The following KIAA1549L variants were observed in gnomAD, a reference collection of about 807,000 sequenced individuals.
The protein encoded by KIAA1549L is UPF0606 protein KIAA1549L.
KIAA1549L carries 88 observed loss-of-function variants against 160.7 expected under a neutral mutation model. The ratio of observed to expected loss-of-function variants is 0.55; its 90% confidence interval spans 0.46 to 0.65. KIAA1549L has a LOEUF of 0.65. Among genes scored for constraint, KIAA1549L ranks in the 30% least tolerant of loss-of-function variants. KIAA1549L has a pLI of 0.00. For missense variants in KIAA1549L, 2,258 were observed against 2,437.5 expected (o/e 0.93, Z 1.55); for synonymous variants, 950 against 976.7 (o/e 0.97, Z 0.51).
At chr11:33,564,186 A>G (rs980839332) in intron 8 of KIAA1549L, among the ~76,000 whole-genome samples, 1 of 152,228 alleles carries the variant, frequency 6.6e-6, no homozygotes, top group Non-Finnish European at 1.5e-5. Flanking sequence ...ACCTGTGACC[A>G]CCTTCTGAAC....
intron 1 of KIAA1549L, among the ~76,000 whole-genome samples, chr11:33,458,652 G>A (rs2132991687): frequency 6.6e-6 from 1 of 152,316 alleles, no homozygotes; most frequent in East Asian, 1.9e-4. Context: ...GCAGCTTGAT[G>A]GTTCTCTCTG....
rs1381342850 is a variant in KIAA1549L, at chr11:33,670,881, C to T, written c.*2727C>T. ...GTACCACGAAGTGGAGTGACTGGCC[C>T]AGTGATTCAGTCCCAACCTCCTGGT... On this transcript the variant is annotated 3_prime_UTR_variant, in exon 21 of 21. Transcript: ENST00000658780. The T allele has an allele frequency of 6.6e-6, 1 of 152,262 alleles. No homozygotes were observed. The highest frequency in any genetic ancestry group is 1.9e-4 in the East Asian group (1 of 5,200). The allele number at this position is 152,262 out of a possible 1,614,324, so 9.4% of individuals were successfully genotyped here.
chr11:33,672,587 T>G lies in KIAA1549L; in HGVS notation c.*4433T>G, dbSNP rs1852699789. 6.5e-6 allele frequency: 1 copy of G among 153,858 alleles called. No homozygotes were observed. The highest frequency in any genetic ancestry group is 2.1e-4 in the South Asian group (1 of 4,834). 9.5% of individuals were successfully genotyped at this position (153,858 alleles called of 1,614,324 possible). ...ACTACACACTGGAACTGACTAGTAC[T>G]CCTGGGATGCCATGCCACGCAGCAG... On this transcript the variant is annotated 3_prime_UTR_variant, in exon 21 of 21. Coordinates refer to ENST00000658780, the MANE Select transcript of KIAA1549L (RefSeq NM_012194.3).
intron 1 of KIAA1549L, among the ~76,000 whole-genome samples, chr11:33,424,190 C>T (rs1162036810): frequency 1.3e-5 from 2 of 152,138 alleles, no homozygotes; most frequent in South Asian, 2.1e-4. Context: ...GTCATGGCAA[C>T]GTTTTTTTGT....
At chr11:33,493,598 C>T (rs2133071948) in intron 1 of KIAA1549L, among the ~76,000 whole-genome samples, 1 of 152,240 alleles carries the variant, frequency 6.6e-6, no homozygotes. Context: ...AAAGGACGTG[C>T]ATTTGTGTAT....
At position 33,651,675 on chromosome 11, in the gene KIAA1549L, A is replaced by C. The variant is rs1851890936; in HGVS notation, c.5761-4337A>C. On this transcript the variant is annotated intron_variant, in intron 17 of 20. Coordinates refer to ENST00000658780, the MANE Select transcript of KIAA1549L (RefSeq NM_012194.3). Reference sequence around the variant, plus strand: ...CACCCTGGAGGTTTATCTTCACCAGATCCCTCCTCCTGGGTAAATGCACAT... The same window carrying C: ...CACCCTGGAGGTTTATCTTCACCAGCTCCCTCCTCCTGGGTAAATGCACAT... Among the ~76,000 whole-genome samples the C allele has an allele frequency of 3.3e-5, 5 of 152,000 alleles. No homozygotes were observed. The South Asian group carries it at 1.0e-3, about 32-fold the overall frequency.
chr11:33,399,126 T>A (rs1850446973), intron 1 of KIAA1549L, among the ~76,000 whole-genome samples: 1 of 152,104 alleles, frequency 6.6e-6, no homozygotes, highest in Non-Finnish European at 1.5e-5. Context: ...CTAATTTTTG[T>A]ATTTTTAGTA....
intron 16 of KIAA1549L, among the ~76,000 whole-genome samples, chr11:33,636,865 A>C (rs1851451523): frequency 6.6e-6 from 1 of 152,142 alleles, no homozygotes; most frequent in Admixed American, 6.5e-5. Context: ...AATTTATTAC[A>C]CTAGGGAAAA....
chr11:33,442,317 A>C (rs1050304018), intron 1 of KIAA1549L, among the ~76,000 whole-genome samples: 11 of 152,132 alleles, frequency 7.2e-5, no homozygotes, highest in African/African-American at 2.4e-4. Context: ...TGTTTTGGTT[A>C]CTGTAGCCTT....
chr11:33,535,020 C>T (rs775972275), intron 1 of KIAA1549L, among the ~76,000 whole-genome samples: 2 of 152,218 alleles, frequency 1.3e-5, no homozygotes, highest in Non-Finnish European at 2.9e-5. Flanking sequence ...CTTATCTGCA[C>T]AGGGTCTCAC....
In KIAA1549L at chr11:33,543,869, C is replaced by A. The variant is rs776597874; in HGVS notation, c.2306C>A (p.Ala769Glu). Residue 769 changes from alanine to glutamate, a missense_variant, in exon 2 of 21, where the codon GCA becomes GAA. Ala to Glu is a moderately radical substitution (Grantham distance 107). Around this residue, in one of 6 missense-constraint regions of KIAA1549L, gnomAD observed 287 missense variants for 292.3 expected, o/e 0.98. Transcript: ENST00000658780. The stretch of plus-strand genomic sequence containing the variant: ...GATACTGCTGGGCATTCAGTGACTG[C>A]AGAAGGGTTTAGTATTCAGGATCTA... The part of the protein sequence containing the change: ...FKDTAGHSVT[A>E]EGFSIQDLVL... 3 of 1,614,016 alleles carry A rather than the reference C, an allele frequency of 1.9e-6. No individual in the cohort carries two copies. The Admixed American group carries it at 5.0e-5, about 27-fold the overall frequency.
intron 15 of KIAA1549L, among the ~76,000 whole-genome samples, chr11:33,611,877 T>TA (rs1850657275): frequency 6.6e-6 from 1 of 152,204 alleles, no homozygotes; most frequent in Non-Finnish European, 1.5e-5. Flanking sequence ...TAAGGCTTTT[T>TA]ATGAAAAGAG....
intron 1 of KIAA1549L, among the ~76,000 whole-genome samples, chr11:33,523,939 G>GTTT (rs1221995377): frequency 6.6e-6 from 1 of 151,758 alleles, no homozygotes; most frequent in Non-Finnish European, 1.5e-5. Flanking sequence ...TTTGATCATT[G>GTTT]TTTTATTTAT....
chr11:33,529,725 C>T (rs1853695087), intron 1 of KIAA1549L, among the ~76,000 whole-genome samples: 1 of 151,996 alleles, frequency 6.6e-6, no homozygotes, highest in South Asian at 2.1e-4. Context: ...GGGGTGATTT[C>T]CAGAGGAAGC....
chr11:33,536,385 C>T (rs1409448383), intron 1 of KIAA1549L, among the ~76,000 whole-genome samples: 1 of 152,152 alleles, frequency 6.6e-6, no homozygotes, highest in Non-Finnish European at 1.5e-5. Flanking sequence ...ATTCATGTGT[C>T]TGTTGTCTGG....
At chr11:33,608,282 A>G (rs1850559933) in intron 14 of KIAA1549L, among the ~76,000 whole-genome samples, 2 of 152,390 alleles carry the variant, frequency 1.3e-5, no homozygotes, top group Non-Finnish European at 1.5e-5. Flanking sequence ...TGCCTGGCAC[A>G]CAATAAGCAC....
At chr11:33,443,553 T>C (rs541748512) in intron 1 of KIAA1549L, among the ~76,000 whole-genome samples, 39 of 152,138 alleles carry the variant, frequency 2.6e-4, no homozygotes, top group Non-Finnish European at 5.1e-4. Context: ...ATGGGGCTTT[T>C]GGTTAGAGAT....
intron 1 of KIAA1549L, among the ~76,000 whole-genome samples, chr11:33,500,132 T>A (rs1274647784): frequency 6.6e-6 from 1 of 152,222 alleles, no homozygotes; most frequent in African/African-American, 2.4e-5. Flanking sequence ...ACAATAAAAA[T>A]TTTGAGATTT....
chr11:33,664,342 C>T (rs1027535338), intron 20 of KIAA1549L, among the ~76,000 whole-genome samples: 9 of 13,218 alleles, frequency 6.8e-4, no homozygotes, highest in Middle Eastern at 0.031. Flanking sequence ...GACACCCATC[C>T]GTGGCTCCCA....
Sources: allele counts gnomAD v4.1 joint callset (sites outside exome capture counted in the v4.1 genomes callset), GRCh38; gene constraint gnomAD v4.1.1; regional missense constraint gnomAD v4.1.1; transcripts MANE v1.5; gene names NCBI Gene and HGNC (gene_info 2026-07-23, HGNC 2026-07-21).